The following VGLL2 variants were observed in gnomAD, a reference collection of about 807,000 sequenced individuals.
VGLL2 encodes the protein vestigial like family member 2, also known as transcription cofactor vestigial-like protein 2.
In VGLL2, 18 loss-of-function variants were observed where a neutral mutation model predicts 27.0. That is an observed-to-expected ratio of 0.67 (90% confidence interval 0.46 to 0.99). The LOEUF is 0.99. Among genes scored for constraint, VGLL2 ranks in the 50% least tolerant of loss-of-function variants. The probability of loss-of-function intolerance (pLI) is 0.00; values close to 1 mark genes in which losing one functional copy is unlikely to be tolerated. For synonymous variants in VGLL2, 220 were observed against 201.1 expected, an observed-to-expected ratio of 1.09 and a Z score of -0.80; for missense variants, 491 against 452.3, an observed-to-expected ratio of 1.09 and a Z score of -0.78.
chr6:117,272,674 C>A lies in VGLL2; in HGVS notation c.*180C>A. 2.4e-6 allele frequency: 2 copies of A among 823,696 alleles called. No homozygotes were observed. Among genetic ancestry groups the A allele is most frequent in the Non-Finnish European group, 3.7e-6 (2 of 538,288 alleles). The allele number at this position is 823,696 out of a possible 1,614,324, so 51.0% of individuals were successfully genotyped here. A position where few individuals can be genotyped will look rare whatever the true frequency, so the allele number is the denominator to read the frequency against. On this transcript the variant is annotated 3_prime_UTR_variant, in exon 4 of 4. Transcript: ENST00000326274. Reference sequence around the variant, plus strand: ...ATTCATCTAAAAATAAGTCCTGCTGCTGAAAGAGCAAATCCAAAGACTGAG... The same window carrying A: ...ATTCATCTAAAAATAAGTCCTGCTGATGAAAGAGCAAATCCAAAGACTGAG...
chr6:117,268,064 A>T, intron 1 of VGLL2, 118 bp from the exon 2 acceptor site: 3 of 1,080,680 alleles, frequency 2.8e-6, no homozygotes, highest in Non-Finnish European at 4.1e-6. Context: ...CACAAGGCTT[A>T]AGCCCATATG....
Position 117,270,832 on chromosome 6 carries a change from G to T in VGLL2, c.681G>T (p.Val227=). ...QAAPYPRPAA[V]HEVYAPHFDP... ...CCCCCTACCCGCGCCCCGCCGCCGT[G>T]CACGAAGTCTACGCGCCGCACTTCG... Residue 227 remains valine, a synonymous_variant, in exon 3 of 4, where the codon GTG becomes GTT. Coordinates refer to ENST00000326274, the MANE Select transcript of VGLL2 (RefSeq NM_182645.3). 1 of 1,429,854 alleles carries T rather than the reference G, an allele frequency of 7.0e-7. No individual in the cohort carries two copies. The allele number at this position is 1,429,854 out of a possible 1,614,324, so 88.6% of individuals were successfully genotyped here. A position where few individuals can be genotyped will look rare whatever the true frequency, so the allele number is the denominator to read the frequency against.
At chr6:117,268,585 T>C in intron 2 of VGLL2, 94 bp downstream of exon 2, 1 of 1,330,744 alleles carries the variant, frequency 7.5e-7, no homozygotes, top group Non-Finnish European at 1.0e-6. Context: ...CTGAAAAGAA[T>C]ATTAGGTGTC....
chr6:117,268,532 C>T (rs1216602260), intron 2 of VGLL2, 41 bp downstream of exon 2: 3 of 1,514,802 alleles, frequency 2.0e-6, no homozygotes, highest in Non-Finnish European at 2.7e-6. Flanking sequence ...ATAGGGGGTC[C>T]TCTCAGCCTG....
chr6:117,270,622 G>T lies in VGLL2; in HGVS notation c.471G>T (p.Pro157=). 1 of 1,591,566 alleles carries T rather than the reference G, an allele frequency of 6.3e-7. No individual in the cohort carries two copies. Residue 157 remains proline (P), a synonymous_variant, in exon 3 of 4, where the codon CCG becomes CCT. Coordinates refer to ENST00000326274, the MANE Select transcript of VGLL2 (RefSeq NM_182645.3). ...NSAYQAPVPP[P]LGSPLATAHS... The stretch of plus-strand genomic sequence containing the variant: ...CGTACCAGGCGCCAGTGCCCCCGCC[G>T]CTGGGCAGCCCTCTGGCCACCGCGC...
downstream of VGLL2, chr6:117,273,572 T>A (rs1206279531): frequency 6.6e-6 from 1 of 152,010 alleles, no homozygotes; most frequent in Admixed American, 6.6e-5. Context: ...ATGAGCTCAC[T>A]GTGTTGTTTC....
intron 2 of VGLL2, among the ~76,000 whole-genome samples, chr6:117,269,300 G>C (rs1259115822): frequency 1.3e-5 from 2 of 152,062 alleles, no homozygotes; most frequent in Non-Finnish European, 2.9e-5. Flanking sequence ...CAAAACAAAG[G>C]TGGGGGAACC....
chr6:117,268,499 T>G lies in VGLL2; in HGVS notation c.391+8T>G. 1 of 1,592,592 alleles carries G rather than the reference T, an allele frequency of 6.3e-7. No homozygotes were observed. Reference sequence around the variant, plus strand: ...GCTCTGGGCCCTGGCGAGGTGAGTATAGGGCCCTGCTGGGAAGGACCCATA... The same window carrying G: ...GCTCTGGGCCCTGGCGAGGTGAGTAGAGGGCCCTGCTGGGAAGGACCCATA... On this transcript the variant is annotated splice_region_variant and intron_variant, in intron 2 of 3. Coordinates refer to ENST00000326274, the MANE Select transcript of VGLL2 (RefSeq NM_182645.3).
At chr6:117,266,386 T>C (rs1562230085) in intron 1 of VGLL2, among the ~76,000 whole-genome samples, 1 of 152,184 alleles carries the variant, frequency 6.6e-6, no homozygotes, top group Non-Finnish European at 1.5e-5. Flanking sequence ...GAGAATTCAT[T>C]TCAAAGAGCA....
At chr6:117,267,692 A>G (rs1206758514) in intron 1 of VGLL2, among the ~76,000 whole-genome samples, 1 of 152,210 alleles carries the variant, frequency 6.6e-6, no homozygotes, top group African/African-American at 2.4e-5. Flanking sequence ...TTGTAGGGGT[A>G]GGGGGTTGCC....
At chr6:117,273,570 A>G (rs1773248725), downstream of VGLL2, 1 of 152,032 alleles carries the variant, frequency 6.6e-6, no homozygotes, top group Non-Finnish European at 1.5e-5. Flanking sequence ...CTATGAGCTC[A>G]CTGTGTTGTT....
intron 2 of VGLL2, 98 bp from the exon 3 acceptor site, chr6:117,270,445 G>C: frequency 7.2e-7 from 1 of 1,396,952 alleles, no homozygotes; most frequent in Non-Finnish European, 9.3e-7. Context: ...CGGCGCCTTC[G>C]TCTCTCGGGC....
rs755510208 is a variant in VGLL2, at chr6:117,265,843, A to C, written c.80A>C (p.Gln27Pro). 6.2e-7 allele frequency: 1 copy of C among 1,613,822 alleles called. No homozygotes were observed. Among genetic ancestry groups the C allele is most frequent in the African/African-American group, 1.3e-5 (1 of 75,032 alleles). ...GCAGCCGCCTACACCCCCTACCACC[A>C]GGTACGTGTCTCCTCTGGGGACTTT... is the stretch of plus-strand genomic sequence containing the variant. ...YFAAAYTPYH[Q>P]KLAYYSKMQE... Residue 27 changes from glutamine to proline, a missense_variant and splice_region_variant, in exon 1 of 4, where the codon CAG becomes CCG. By Grantham distance (76) the Gln-to-Pro change is moderately conservative. Coordinates refer to ENST00000326274, the MANE Select transcript of VGLL2 (RefSeq NM_182645.3).
At chr6:117,268,595 C>A in intron 2 of VGLL2, 104 bp downstream of exon 2, 1 of 1,269,106 alleles carries the variant, frequency 7.9e-7, no homozygotes, top group Non-Finnish European at 1.1e-6. Context: ...TATTAGGTGT[C>A]AGAGAAGGTG....
Position 117,272,768 on chromosome 6 carries a change from G to T in VGLL2, c.*274G>T. 1 of 508,002 alleles carries T rather than the reference G, an allele frequency of 2.0e-6. No individual in the cohort carries two copies. The highest frequency in any genetic ancestry group is 3.4e-6 in the Non-Finnish European group (1 of 290,066). The allele number at this position is 508,002 out of a possible 1,614,324, so 31.5% of individuals were successfully genotyped here. On this transcript the variant is annotated 3_prime_UTR_variant, in exon 4 of 4. Transcript: ENST00000326274. ...GTGAGATTGCTGAGTCAGGTGATGTGATATCATAAGCTTTCTTGGAACGGG... is the reference window on the plus strand; with the variant it reads ...GTGAGATTGCTGAGTCAGGTGATGTTATATCATAAGCTTTCTTGGAACGGG...
rs962970289 is a variant in VGLL2 at position 117,272,416 on chromosome 6, G to C, written c.914-38G>C. ...AATTGATGGCACTCAGAGCTGAAAT[G>C]GAGTGGGTTTGTAACAGCTTCTGAT... On this transcript the variant is annotated intron_variant, in intron 3 of 3. Transcript: ENST00000326274. The C allele has an allele frequency of 3.1e-6, 5 of 1,614,080 alleles. No homozygotes were observed. In the African/African-American group the frequency reaches 5.3e-5, roughly 17 times the overall value.
At chr6:117,266,886 G>T (rs2128516445) in intron 1 of VGLL2, among the ~76,000 whole-genome samples, 1 of 152,200 alleles carries the variant, frequency 6.6e-6, no homozygotes, top group East Asian at 1.9e-4. Context: ...GACCGGATAG[G>T]GTTCACTTTT....
chr6:117,271,129 G>A, intron 3 of VGLL2, 65 bp downstream of exon 3: 1 of 1,174,894 alleles, frequency 8.5e-7, no homozygotes, highest in East Asian at 3.4e-5. Context: ...CCTGGGCTGT[G>A]CCTAGACCCC....
intron 1 of VGLL2, among the ~76,000 whole-genome samples, chr6:117,266,096 A>G (rs1773062706): frequency 6.6e-6 from 1 of 152,206 alleles, no homozygotes; most frequent in South Asian, 2.1e-4. Context: ...CCCTGGAATA[A>G]TCAGAGGAAG....
Sources: gnomAD v4.1 joint callset for allele counts (sites outside exome capture counted in the v4.1 genomes callset) on GRCh38, gnomAD v4.1.1 for gene constraint, MANE v1.5 for transcripts, NCBI Gene and HGNC (gene_info 2026-07-23, HGNC 2026-07-21) for gene names.